Variants in CDK19 observed in about 807,000 individuals in gnomAD.
CDK19 encodes the protein cyclin dependent kinase 19.
CDK19 carries 20 observed loss-of-function variants against 68.3 expected under a neutral mutation model. That is an observed-to-expected ratio of 0.29 (90% CI 0.21 to 0.43). CDK19 has a LOEUF of 0.43. Among genes scored for constraint, CDK19 ranks in the 20% least tolerant of loss-of-function variants. CDK19 has a pLI of 1.00. For synonymous variants in CDK19, 221 were observed against 222.8 expected, an observed-to-expected ratio of 0.99 and a Z score of 0.07; for missense variants, 339 against 623.5, an observed-to-expected ratio of 0.54 and a Z score of 4.86.
At chr6:110,750,763 G>A (rs1778423487) in intron 1 of CDK19, among the ~76,000 whole-genome samples, 1 of 152,192 alleles carries the variant, frequency 6.6e-6, no homozygotes, top group Non-Finnish European at 1.5e-5. Context: ...GTAGCACATA[G>A]ATAAGAAGAC....
chr6:110,688,963 A>C (rs1772744793), intron 2 of CDK19, among the ~76,000 whole-genome samples: 1 of 152,142 alleles, frequency 6.6e-6, no homozygotes, highest in African/African-American at 2.4e-5. Flanking sequence ...CTTTGCCAGC[A>C]GACTGGGAGG....
At chr6:110,746,587 T>G (rs1778092904) in intron 1 of CDK19, among the ~76,000 whole-genome samples, 2 of 152,208 alleles carry the variant, frequency 1.3e-5, no homozygotes, top group African/African-American at 4.8e-5. Context: ...TATAAAAAAC[T>G]GACAGACATA....
At chr6:110,657,632 T>C (rs1781383435) in intron 4 of CDK19, among the ~76,000 whole-genome samples, 1 of 152,220 alleles carries the variant, frequency 6.6e-6, no homozygotes, top group Non-Finnish European at 1.5e-5. Context: ...GGTTCTCAAC[T>C]AGTTCCTGCC....
At chr6:110,663,195 A>G (rs1034911321) in intron 4 of CDK19, among the ~76,000 whole-genome samples, 2 of 152,222 alleles carry the variant, frequency 1.3e-5, no homozygotes, top group African/African-American at 4.8e-5. Context: ...AGTTGTGACT[A>G]TCAAATAGTG....
intron 4 of CDK19, chr6:110,645,881 A>T (rs1780532099): frequency 5.4e-6 from 4 of 741,318 alleles, no homozygotes; most frequent in Non-Finnish European, 9.2e-6. Flanking sequence ...TCGTAGACGA[A>T]AACAGCGGCG....
At chr6:110,681,366 G>A (rs1421459178) in intron 2 of CDK19, among the ~76,000 whole-genome samples, 17 of 152,084 alleles carry the variant, frequency 1.1e-4, no homozygotes, top group Admixed American at 1.1e-3. Flanking sequence ...AAAACAAACA[G>A]AAATATGCCA....
chr6:110,739,584 T>C (rs186478280), intron 2 of CDK19, among the ~76,000 whole-genome samples: 4 of 152,202 alleles, frequency 2.6e-5, no homozygotes, highest in Non-Finnish European at 5.9e-5. Flanking sequence ...TATCTCGATG[T>C]TGTTAGAAGT....
intron 4 of CDK19, among the ~76,000 whole-genome samples, chr6:110,655,648 T>C (rs928986864): frequency 6.6e-6 from 1 of 152,184 alleles, no homozygotes; most frequent in Non-Finnish European, 1.5e-5. Flanking sequence ...AATCCTCAGA[T>C]CTGACTACTT....
chr6:110,712,371 C>G (rs1229017613), intron 2 of CDK19, among the ~76,000 whole-genome samples: 2 of 152,164 alleles, frequency 1.3e-5, no homozygotes, highest in Non-Finnish European at 2.9e-5. Flanking sequence ...GAAAGAAACA[C>G]CACCCTCAAG....
At chr6:110,664,798 A>C (rs1026644767) in intron 4 of CDK19, among the ~76,000 whole-genome samples, 1 of 152,218 alleles carries the variant, frequency 6.6e-6, no homozygotes, top group Admixed American at 6.5e-5. Context: ...AGGAACCAAC[A>C]ACAAGAAGAG....
chr6:110,764,952 A>AAAAT (rs57218365), intron 1 of CDK19, among the ~76,000 whole-genome samples: 5,075 of 141,066 alleles, frequency 0.036, 293 homozygotes, highest in African/African-American at 0.12. Flanking sequence ...CTCCATCTCA[A>AAAAT]AAATAAATAA....
At chr6:110,646,872 A>G (rs1780627897) in intron 4 of CDK19, among the ~76,000 whole-genome samples, 1 of 151,894 alleles carries the variant, frequency 6.6e-6, no homozygotes, top group South Asian at 2.1e-4. Context: ...AGGTGAGAGA[A>G]GGAAAATCTC....
At chr6:110,787,988 C>T (rs374468443) in intron 1 of CDK19, among the ~76,000 whole-genome samples, 17 of 151,958 alleles carry the variant, frequency 1.1e-4, no homozygotes, top group Admixed American at 2.6e-4. Flanking sequence ...TACAGTCGTG[C>T]GCCACCATAC....
Position 110,815,142 on chromosome 6 carries a change from G to A in CDK19, c.-6C>T, listed in dbSNP as rs1183110154. On this transcript the variant is annotated 5_prime_UTR_variant, in exon 1 of 13. Coordinates refer to ENST00000368911, the MANE Select transcript of CDK19 (RefSeq NM_015076.5). ...GCCTTGAAATCATAATCCATTGTCTGCTTCCCCCATAGAGGCACGGGACGC... is the reference window on the plus strand; with the variant it reads ...GCCTTGAAATCATAATCCATTGTCTACTTCCCCCATAGAGGCACGGGACGC... The A allele has an allele frequency of 1.3e-6, 2 of 1,590,020 alleles. No homozygotes were observed. The highest frequency in any genetic ancestry group is 2.8e-5 in the African/African-American group (2 of 71,660).
chr6:110,642,662 A>C (rs1485787855), intron 4 of CDK19, among the ~76,000 whole-genome samples: 1 of 152,140 alleles, frequency 6.6e-6, no homozygotes, highest in Non-Finnish European at 1.5e-5. Flanking sequence ...TATATGCTAT[A>C]TAAGAAACAA....
chr6:110,727,619 T>G (rs1776408822), intron 2 of CDK19, among the ~76,000 whole-genome samples: 3 of 92,208 alleles, frequency 3.3e-5, no homozygotes, highest in African/African-American at 9.3e-5. Flanking sequence ...ATGTCTTTTT[T>G]AAAAGAAAAT....
At chr6:110,711,165 T>C (rs1183950064) in intron 2 of CDK19, among the ~76,000 whole-genome samples, 3 of 152,186 alleles carry the variant, frequency 2.0e-5, no homozygotes, top group African/African-American at 7.2e-5. Flanking sequence ...ATACCTACAA[T>C]AGGTTTCTTA....
At chr6:110,771,079 G>A (rs1190383149) in intron 1 of CDK19, among the ~76,000 whole-genome samples, 1 of 152,088 alleles carries the variant, frequency 6.6e-6, no homozygotes, top group Non-Finnish European at 1.5e-5. Context: ...CCAGGTGCAT[G>A]GTGCAAGCTG....
chr6:110,709,610 T>C (rs1324054404), intron 2 of CDK19, among the ~76,000 whole-genome samples: 1 of 152,152 alleles, frequency 6.6e-6, no homozygotes, highest in Non-Finnish European at 1.5e-5. Flanking sequence ...CAAATAGACT[T>C]TCTACAGGAT....
Sources: allele counts gnomAD v4.1 joint callset (sites outside exome capture counted in the v4.1 genomes callset), GRCh38; gene constraint gnomAD v4.1.1; transcripts MANE v1.5; gene names NCBI Gene and HGNC (gene_info 2026-07-23, HGNC 2026-07-21).